Variants in FYB2 observed in about 807,000 individuals in gnomAD.
The protein encoded by FYB2 is FYN binding protein 2.
Under a neutral mutation model 94.1 loss-of-function variants are expected in FYB2, and 103 were observed. That is an observed-to-expected ratio of 1.09 (90% CI 0.93 to 1.29). The LOEUF (loss-of-function observed/expected upper bound fraction) is 1.29. Ranked by LOEUF, FYB2 falls within the 50% of genes most tolerant of loss-of-function variation. The pLI is 0.00. For synonymous variants in FYB2, 293 were observed against 287.9 expected, an observed-to-expected ratio of 1.02 and a Z score of -0.18; for missense variants, 896 against 841.5, an observed-to-expected ratio of 1.06 and a Z score of -0.80.
At chr1:56,739,794 G>C (rs1215006017) in intron 13 of FYB2, among the ~76,000 whole-genome samples, 1 of 152,026 alleles carries the variant, frequency 6.6e-6, no homozygotes, top group East Asian at 1.9e-4. Context: ...AGATGCTTTT[G>C]CCCAACTGTA....
At chr1:56,784,231 GT>G (rs1202861913) in intron 4 of FYB2, among the ~76,000 whole-genome samples, 1 of 151,930 alleles carries the variant, frequency 6.6e-6, no homozygotes, top group Non-Finnish European at 1.5e-5. Context: ...TTTTGCAGAA[GT>G]TTTTTTTCTG....
rs1238627223 is a variant in FYB2, at chr1:56,721,245, A to C, written c.1975-916T>G. ...ACAAATAAATAGTTCCAGAATACGC[A>C]GCTTAGATTACAGGTACCTACTTCT... On this transcript the variant is annotated intron_variant, in intron 17 of 19. Transcript: ENST00000343433. 2.0e-5 allele frequency among the ~76,000 whole-genome samples: 3 copies of C among 152,194 alleles called. No individual in the cohort carries two copies. In the East Asian group the frequency reaches 5.8e-4, roughly 29 times the overall value.
intron 12 of FYB2, 152 bp downstream of exon 12, chr1:56,742,009 C>T: frequency 3.1e-6 from 2 of 643,532 alleles, no homozygotes; most frequent in East Asian, 2.8e-5. Flanking sequence ...GTTATCATAA[C>T]TCTCAGTGTG....
At chr1:56,819,578 C>T, upstream of FYB2, 1 of 559,452 alleles carries the variant, frequency 1.8e-6, no homozygotes, top group East Asian at 3.0e-5. Flanking sequence ...CTCTTCTCAG[C>T]AAGCGGCTCT....
intron 9 of FYB2, among the ~76,000 whole-genome samples, chr1:56,745,309 A>C (rs112349451): frequency 1.1e-4 from 16 of 152,158 alleles, no homozygotes; most frequent in African/African-American, 3.4e-4. Flanking sequence ...TGAATTCCAG[A>C]TACTTTATCA....
chr1:56,805,328 T>C (rs931849660), intron 1 of FYB2, among the ~76,000 whole-genome samples: 1 of 152,198 alleles, frequency 6.6e-6, no homozygotes, highest in Non-Finnish European at 1.5e-5. Context: ...AAAGCATTTG[T>C]TGTATATTTG....
At chr1:56,812,512 A>G (rs1439302948) in intron 1 of FYB2, among the ~76,000 whole-genome samples, 3 of 152,224 alleles carry the variant, frequency 2.0e-5, no homozygotes, top group African/African-American at 7.2e-5. Flanking sequence ...ATGATACAAA[A>G]TTGCTTAATT....
rs770291987 is a variant in FYB2, at chr1:56,789,103, AAGGTGGTG to A, written c.781_788del (p.His261SerfsTer62). 1.9e-6 allele frequency: 3 copies of A among 1,606,190 alleles called. No homozygotes were observed. Among genetic ancestry groups the A allele is most frequent in the Non-Finnish European group, 2.6e-6 (3 of 1,176,270 alleles). The stretch of plus-strand genomic sequence containing the variant: ...TGGAGGGCAATGGCTTTGTTTTGGG[AAGGTGGTG>A]ATGCCTGACATCTGGCTGTTTTTCT... On this transcript the variant is annotated frameshift_variant, in exon 3 of 20. Transcript: ENST00000343433. LOFTEE classifies it high-confidence loss of function.
At chr1:56,746,419 G>T (rs1409565411) in intron 9 of FYB2, among the ~76,000 whole-genome samples, 3 of 151,574 alleles carry the variant, frequency 2.0e-5, no homozygotes, top group South Asian at 4.2e-4. Context: ...TTCTCTTTCT[G>T]CCATTCTGTT....
rs190354415 is a variant in FYB2 at position 56,791,384 on chromosome 1, T to G, written c.757+672A>C. ...AATTCTTGTGTCTCAGCTTCCCGAG[T>G]AGCTGGGATTACAGGCACAGGCCAC... On this transcript the variant is annotated intron_variant, in intron 2 of 19. Transcript: ENST00000343433. Among the ~76,000 whole-genome samples the G allele has an allele frequency of 3.3e-5, 5 of 152,016 alleles. No homozygotes were observed. In the East Asian group the frequency reaches 9.7e-4, roughly 29 times the overall value.
chr1:56,791,481 C>T (rs1646263952), intron 2 of FYB2, among the ~76,000 whole-genome samples: 1 of 152,090 alleles, frequency 6.6e-6, no homozygotes, highest in Non-Finnish European at 1.5e-5. Flanking sequence ...GTTTTGAACT[C>T]CTGAACTCTG....
intron 6 of FYB2, among the ~76,000 whole-genome samples, chr1:56,757,687 C>CTTCCTTCTTTTTTTCT (rs1293394860): frequency 0.036 from 2,562 of 71,924 alleles, 104 homozygotes; most frequent in African/African-American, 0.065. Flanking sequence ...TCCTTCCTTC[C>CTTCCTTCTTTTTTTCT]TTCTTTCTTT....
chr1:56,735,959 T>C (rs1644821813), intron 15 of FYB2, among the ~76,000 whole-genome samples: 1 of 152,138 alleles, frequency 6.6e-6, no homozygotes, highest in Admixed American at 6.6e-5. Flanking sequence ...AGGGAGATAT[T>C]GAATATTCCC....
At position 56,753,936 on chromosome 1, in the gene FYB2, C is replaced by G; in HGVS notation, c.1131-1G>C. 1 of 1,573,606 alleles carries G rather than the reference C, an allele frequency of 6.4e-7. No individual in the cohort carries two copies. Among genetic ancestry groups the G allele is most frequent in the Middle Eastern group, 1.7e-4 (1 of 5,794 alleles). The stretch of plus-strand genomic sequence containing the variant: ...CATTTTTTTATCTTCATGTTTAGCA[C>G]TGAAATGTGAAGAGATACCAGGAAA... On this transcript the variant is annotated splice_acceptor_variant, in intron 7 of 19. Transcript: ENST00000343433. LOFTEE classifies it high-confidence loss of function.
At chr1:56,785,444 T>C (rs1472282067) in intron 4 of FYB2, among the ~76,000 whole-genome samples, 1 of 152,208 alleles carries the variant, frequency 6.6e-6, no homozygotes, top group African/African-American at 2.4e-5. Flanking sequence ...TTCTCTCTCT[T>C]TCACATAAAT....
upstream of FYB2, among the ~76,000 whole-genome samples, chr1:56,820,226 CAAAA>C (rs112651204): frequency 2.4e-5 from 3 of 122,720 alleles, no homozygotes; most frequent in African/African-American, 3.0e-5. Flanking sequence ...GACTCCGTCT[CAAAA>C]AAAAAAAAAA....
intron 2 of FYB2, 131 bp from the exon 3 acceptor site, chr1:56,789,265 A>C: frequency 9.8e-7 from 1 of 1,019,536 alleles, no homozygotes; most frequent in South Asian, 1.7e-5. Context: ...GAGTGCCCTG[A>C]TCAATACATA....
intron 4 of FYB2, among the ~76,000 whole-genome samples, chr1:56,773,164 A>T (rs1197118359): frequency 1.3e-5 from 2 of 152,164 alleles, no homozygotes; most frequent in Non-Finnish European, 2.9e-5. Flanking sequence ...AAATGTTTAA[A>T]CAAATGGGAT....
intron 5 of FYB2, among the ~76,000 whole-genome samples, chr1:56,758,976 A>C (rs1645423918): frequency 6.6e-6 from 1 of 152,196 alleles, no homozygotes; most frequent in African/African-American, 2.4e-5. Context: ...TCGATGAAGC[A>C]TGTGAAACCA....
Sources: gnomAD v4.1 joint callset for allele counts (sites outside exome capture counted in the v4.1 genomes callset) on GRCh38, gnomAD v4.1.1 for gene constraint, MANE v1.5 for transcripts, NCBI Gene and HGNC (gene_info 2026-07-23, HGNC 2026-07-21) for gene names.